Variants in RNF157 observed in about 807,000 individuals in gnomAD.
RNF157 encodes the protein ring finger protein 157.
Under a neutral mutation model 88.3 loss-of-function variants are expected in RNF157, and 55 were observed. That is an observed-to-expected ratio of 0.62 (90% confidence interval 0.50 to 0.78). The LOEUF (loss-of-function observed/expected upper bound fraction) is 0.78. Among genes scored for constraint, RNF157 ranks in the 30% least tolerant of loss-of-function variants. RNF157 has a pLI of 0.00. For missense variants in RNF157, 788 were observed against 860.8 expected, an observed-to-expected ratio of 0.92 and a Z score of 1.06; for synonymous variants, 334 against 341.2, an observed-to-expected ratio of 0.98 and a Z score of 0.23.
Position 76,158,403 on chromosome 17 carries a change from T to C in RNF157, c.1403A>G (p.His468Arg), listed in dbSNP as rs756672678. 2.5e-6 allele frequency: 4 copies of C among 1,611,092 alleles called. No homozygotes were observed. Among genetic ancestry groups the C allele is most frequent in the South Asian group, 1.1e-5 (1 of 91,016 alleles). Residue 468 changes from histidine to arginine, a missense_variant, in exon 13 of 19, where the codon CAT (histidine) becomes CGT (arginine). Coordinates refer to ENST00000269391, the MANE Select transcript of RNF157 (RefSeq NM_052916.3). The part of the protein sequence containing the change: ...TQLSQRPSVQ[H>R]LGEECGVTPE... ...AGGAATGTCAATTACCTCTCCGAGATGCTGAACCGACGGTCTCTGAGAGAG... is the reference window on the plus strand; with the variant it reads ...AGGAATGTCAATTACCTCTCCGAGACGCTGAACCGACGGTCTCTGAGAGAG...
At chr17:76,194,150 C>T (rs1404624964) in intron 2 of RNF157, among the ~76,000 whole-genome samples, 1 of 152,194 alleles carries the variant, frequency 6.6e-6, no homozygotes, top group Admixed American at 6.5e-5. Context: ...ACACACACAA[C>T]AGTGTAACCA....
rs1568023603 is a variant in RNF157, at chr17:76,154,281, A to C, written c.1810+2T>G. On this transcript the variant is annotated splice_donor_variant, in intron 17 of 18. Transcript: ENST00000269391. LOFTEE classifies it high-confidence loss of function. ...GAAGTAAAGGACCAGATCTTTTACC[A>C]CCTTCCTGCGTGGGTGATCCATCCT... 6.2e-7 allele frequency: 1 copy of C among 1,605,884 alleles called. No homozygotes were observed.
intron 2 of RNF157, among the ~76,000 whole-genome samples, chr17:76,174,973 T>C (rs2069080574): frequency 6.6e-6 from 1 of 152,200 alleles, no homozygotes; most frequent in Non-Finnish European, 1.5e-5. Context: ...GTAATATATG[T>C]TTAAGCAGAA....
chr17:76,233,713 T>TA (rs2070233983), intron 1 of RNF157, among the ~76,000 whole-genome samples: 1 of 152,160 alleles, frequency 6.6e-6, no homozygotes, highest in African/African-American at 2.4e-5. Flanking sequence ...AAACAATTTT[T>TA]GTAGAGACAG....
intron 2 of RNF157, among the ~76,000 whole-genome samples, chr17:76,181,323 T>C (rs538111976): frequency 6.6e-6 from 1 of 152,310 alleles, no homozygotes; most frequent in Non-Finnish European, 1.5e-5. Context: ...GATGGCAGTA[T>C]GTACAAAATC....
At chr17:76,164,706 A>C in intron 8 of RNF157, 42 bp downstream of exon 8, 1 of 1,238,852 alleles carries the variant, frequency 8.1e-7, no homozygotes, top group South Asian at 1.4e-5. Flanking sequence ...AAAAGGAAGG[A>C]AGGACCCTAA....
intron 2 of RNF157, among the ~76,000 whole-genome samples, chr17:76,200,843 A>T (rs1449849679): frequency 6.6e-6 from 1 of 152,144 alleles, no homozygotes; most frequent in Non-Finnish European, 1.5e-5. Context: ...ATTTCGAATC[A>T]ACTGTTTCTA....
chr17:76,147,341 T>G (rs2068600342), intron 18 of RNF157: 2 of 986,276 alleles, frequency 2.0e-6, no homozygotes, highest in Non-Finnish European at 2.4e-6. Flanking sequence ...AAGCAAATGG[T>G]AAACAAGAGA....
At chr17:76,210,477 C>G (rs377439729) in intron 2 of RNF157, among the ~76,000 whole-genome samples, 1 of 148,316 alleles carries the variant, frequency 6.7e-6, no homozygotes, top group Non-Finnish European at 1.5e-5. Flanking sequence ...GTAGTCCCAG[C>G]TACTCAGGAG....
intron 3 of RNF157, among the ~76,000 whole-genome samples, chr17:76,170,948 A>G (rs1003064607): frequency 6.6e-5 from 10 of 152,142 alleles, no homozygotes; most frequent in African/African-American, 2.4e-4. Context: ...GCTGAAGTGC[A>G]GTGGCACAAT....
intron 3 of RNF157, among the ~76,000 whole-genome samples, chr17:76,173,166 G>C (rs1050305281): frequency 5.3e-5 from 8 of 151,964 alleles, no homozygotes; most frequent in Non-Finnish European, 1.0e-4. Context: ...GGCGCCTGTA[G>C]TCCCAGCTAC....
intron 13 of RNF157, 120 bp from the exon 14 acceptor site, chr17:76,156,441 C>A (rs952388376): frequency 6.6e-7 from 1 of 1,507,400 alleles, no homozygotes; most frequent in Non-Finnish European, 8.8e-7. Context: ...CTGGGAGGGA[C>A]TGAGTGGCAT....
At chr17:76,200,113 G>A (rs2069548481) in intron 2 of RNF157, among the ~76,000 whole-genome samples, 1 of 152,018 alleles carries the variant, frequency 6.6e-6, no homozygotes, top group Non-Finnish European at 1.5e-5. Context: ...GTGGTGGCGG[G>A]CGCCTGTAGT....
intron 1 of RNF157, among the ~76,000 whole-genome samples, chr17:76,214,513 A>T: frequency 6.6e-6 from 1 of 152,150 alleles, no homozygotes; most frequent in East Asian, 1.9e-4. Context: ...CTTGCTGCAA[A>T]CATTATTGTT....
At chr17:76,151,476 C>G (rs1461983224) in intron 18 of RNF157, among the ~76,000 whole-genome samples, 1 of 152,154 alleles carries the variant, frequency 6.6e-6, no homozygotes, top group Non-Finnish European at 1.5e-5. Flanking sequence ...TGTTCTGAAG[C>G]TGAAGTGAGT....
At chr17:76,173,643 G>A in intron 3 of RNF157, 59 bp downstream of exon 3, 7 of 1,335,058 alleles carry the variant, frequency 5.2e-6, no homozygotes, top group Non-Finnish European at 7.4e-6. Context: ...CTGTCCCCCA[G>A]CCCCCAGCCT....
At chr17:76,165,382 T>A in intron 7 of RNF157, 120 bp downstream of exon 7, 1 of 965,916 alleles carries the variant, frequency 1.0e-6, no homozygotes, top group Non-Finnish European at 1.7e-6. Flanking sequence ...CTTTCACCAT[T>A]ATAGCCTCTA....
intron 1 of RNF157, among the ~76,000 whole-genome samples, chr17:76,232,233 A>T (rs564594013): frequency 1.3e-5 from 2 of 152,220 alleles, no homozygotes; most frequent in South Asian, 2.1e-4. Context: ...ACATAAATTT[A>T]AAAAATTAGA....
chr17:76,204,482 C>T (rs1301747816), intron 2 of RNF157, among the ~76,000 whole-genome samples: 1 of 152,200 alleles, frequency 6.6e-6, no homozygotes, highest in African/African-American at 2.4e-5. Flanking sequence ...GTCTTTTCAT[C>T]TCTGCATTCC....
Sources: allele counts gnomAD v4.1 joint callset (sites outside exome capture counted in the v4.1 genomes callset), GRCh38; gene constraint gnomAD v4.1.1; transcripts MANE v1.5; gene names NCBI Gene and HGNC (gene_info 2026-07-23, HGNC 2026-07-21).